CCDC178: variants seen among roughly 807,000 people sequenced by gnomAD.
The protein encoded by CCDC178 is coiled-coil domain-containing protein 178.
CCDC178 carries 126 observed loss-of-function variants against 117.4 expected under a neutral mutation model. The observed-to-expected ratio is 1.07, with a 90% confidence interval of 0.93 to 1.24. CCDC178 has a LOEUF of 1.24. Among genes scored for constraint, CCDC178 ranks in the 50% most tolerant of loss-of-function variants. The pLI is 0.00. For synonymous variants in CCDC178, 283 were observed against 313.4 expected (o/e 0.90, Z 1.02); for missense variants, 1,030 against 986.9 (o/e 1.04, Z -0.59).
At chr18:33,069,436 C>T (rs540415093) in intron 21 of CCDC178, among the ~76,000 whole-genome samples, 2 of 152,168 alleles carry the variant, frequency 1.3e-5, no homozygotes, top group South Asian at 2.1e-4. Flanking sequence ...AAAGGATACC[C>T]TCTTCAATAA....
At chr18:33,247,177 A>C (rs1431992553) in intron 14 of CCDC178, among the ~76,000 whole-genome samples, 1 of 151,748 alleles carries the variant, frequency 6.6e-6, no homozygotes, top group African/African-American at 2.4e-5. Context: ...GGCCTCAAAA[A>C]GGACACCAAA....
intron 12 of CCDC178, among the ~76,000 whole-genome samples, chr18:33,276,342 G>A (rs190563160): frequency 1.8e-4 from 28 of 152,192 alleles, no homozygotes; most frequent in East Asian, 3.9e-4. Context: ...TTCCACATCT[G>A]AAGTACAATT....
intron 20 of CCDC178, among the ~76,000 whole-genome samples, chr18:33,186,953 A>C (rs556268087): frequency 5.1e-4 from 78 of 152,174 alleles, no homozygotes; most frequent in African/African-American, 1.8e-3. Flanking sequence ...TCACACTGCT[A>C]TAAAGAACTG....
intron 12 of CCDC178, among the ~76,000 whole-genome samples, chr18:33,271,148 A>T (rs2059884492): frequency 2.0e-5 from 3 of 151,588 alleles, no homozygotes; most frequent in African/African-American, 7.3e-5. Flanking sequence ...AAAGTGTTAC[A>T]CAAAAGAAGG....
intron 22 of CCDC178, among the ~76,000 whole-genome samples, chr18:32,945,976 A>C (rs899483722): frequency 6.6e-6 from 1 of 152,112 alleles, no homozygotes; most frequent in Non-Finnish European, 1.5e-5. Context: ...TTATGTTAAA[A>C]GCTTTAGGAT....
At chr18:33,305,513 C>T (rs1436599031) in intron 11 of CCDC178, among the ~76,000 whole-genome samples, 1 of 152,026 alleles carries the variant, frequency 6.6e-6, no homozygotes, top group African/African-American at 2.4e-5. Context: ...TAGAGACTCC[C>T]TTAAGAGTCT....
chr18:33,119,097 C>T (rs750092107), intron 20 of CCDC178, among the ~76,000 whole-genome samples: 1 of 152,048 alleles, frequency 6.6e-6, no homozygotes, highest in South Asian at 2.1e-4. Flanking sequence ...AGAAGAAAAC[C>T]TAGGCAACAT....
At chr18:33,321,517 A>C (rs1159554321) in intron 11 of CCDC178, among the ~76,000 whole-genome samples, 1 of 152,268 alleles carries the variant, frequency 6.6e-6, no homozygotes, top group African/African-American at 2.4e-5. Flanking sequence ...ATTCAGCAAC[A>C]GTGACAAATA....
chr18:33,088,317 C>T (rs2057412987), intron 21 of CCDC178, among the ~76,000 whole-genome samples: 1 of 149,578 alleles, frequency 6.7e-6, no homozygotes, highest in Non-Finnish European at 1.5e-5. Flanking sequence ...GATTGATATT[C>T]ACAAAATATG....
At chr18:33,195,450 A>G (rs1464665775) in intron 20 of CCDC178, among the ~76,000 whole-genome samples, 1 of 152,122 alleles carries the variant, frequency 6.6e-6, no homozygotes, top group East Asian at 1.9e-4. Flanking sequence ...GCACCTGTCC[A>G]TTAGGCCTCA....
chr18:32,956,191 G>A (rs193184375), intron 22 of CCDC178, among the ~76,000 whole-genome samples: 3 of 152,086 alleles, frequency 2.0e-5, no homozygotes, highest in African/African-American at 7.2e-5. Context: ...GAATTCAATG[G>A]CTAAGATCCT....
chr18:33,293,822 T>C (rs1319731120), intron 11 of CCDC178, among the ~76,000 whole-genome samples: 1 of 152,194 alleles, frequency 6.6e-6, no homozygotes, highest in African/African-American at 2.4e-5. Flanking sequence ...TCATCAATAG[T>C]ATTGTTTCCA....
chr18:33,193,389 G>C (rs2058886978), intron 20 of CCDC178, among the ~76,000 whole-genome samples: 1 of 150,776 alleles, frequency 6.6e-6, no homozygotes, highest in Non-Finnish European at 1.5e-5. Context: ...TCCAATTAAT[G>C]ACTTTGTTAA....
At chr18:33,260,970 T>C (rs1333416425) in intron 14 of CCDC178, among the ~76,000 whole-genome samples, 3 of 152,220 alleles carry the variant, frequency 2.0e-5, no homozygotes, top group Non-Finnish European at 4.4e-5. Flanking sequence ...GCTCTATTGT[T>C]AATTTTGAAA....
chr18:33,415,525 G>A (rs1264648222), intron 2 of CCDC178, among the ~76,000 whole-genome samples: 1 of 151,162 alleles, frequency 6.6e-6, no homozygotes, highest in Non-Finnish European at 1.5e-5. Context: ...CACAGGAAGG[G>A]GGACATCACA....
rs74774732 is a variant in CCDC178 at position 33,083,886 on chromosome 18, C to T, written c.2388+8875G>A. Reference sequence around the variant, plus strand: ...ACTCTTCTCATTTCAAGATCAGATACCTATTCAACTACATTGTGTGTTTAT... The same window carrying T: ...ACTCTTCTCATTTCAAGATCAGATATCTATTCAACTACATTGTGTGTTTAT... On this transcript the variant is annotated intron_variant, in intron 21 of 22. Coordinates refer to ENST00000383096, the MANE Select transcript of CCDC178 (RefSeq NM_001105528.4). Among the ~76,000 whole-genome samples, 121 of 152,262 alleles carry T rather than the reference C, an allele frequency of 7.9e-4. 2 individuals carry two copies. In the East Asian group the frequency reaches 0.023, roughly 28 times the overall value.
chr18:33,370,075 GACTCC>G lies in CCDC178; in HGVS notation c.318_322del (p.Glu107GlnfsTer10). Reference sequence around the variant, plus strand: ...CCTTTTCAAATGCTCCTGTATTTTGGACTCCACATCTTGGATGTGTGAAATCATTT... The same window carrying G: ...CCTTTTCAAATGCTCCTGTATTTTGGACATCTTGGATGTGTGAAATCATTT... On this transcript the variant is annotated frameshift_variant, in exon 6 of 23. Transcript: ENST00000383096. LOFTEE classifies it high-confidence loss of function. 6.3e-7 allele frequency: 1 copy of G among 1,593,680 alleles called. No homozygotes were observed. Among genetic ancestry groups the G allele is most frequent in the Non-Finnish European group, 8.5e-7 (1 of 1,171,626 alleles).
intron 9 of CCDC178, among the ~76,000 whole-genome samples, chr18:33,341,968 T>G (rs2062823084): frequency 6.6e-6 from 1 of 152,102 alleles, no homozygotes. Flanking sequence ...AAATAATGAC[T>G]TCAAGGAAAT....
Position 33,245,331 on chromosome 18 carries a change from A to C in CCDC178, c.1507T>G (p.Tyr503Asp), listed in dbSNP as rs1467252068. 6.2e-7 allele frequency: 1 copy of C among 1,609,654 alleles called. No homozygotes were observed. The highest frequency in any genetic ancestry group is 1.7e-5 in the Admixed American group (1 of 59,438). ...AGGTGGAAAAGAGTACCAATGCGAT[A>C]AGCCTCCTTATAGATGTTCTTGAGA... ...KHLKNIYKEA[Y>D]RIGTLFHLTK... Residue 503 changes from tyrosine (Y) to aspartate (D), a missense_variant, in exon 15 of 23, where the codon TAT (tyrosine) becomes GAT (aspartate). Transcript: ENST00000383096.
Sources: gnomAD v4.1 joint callset for allele counts (sites outside exome capture counted in the v4.1 genomes callset) on GRCh38, gnomAD v4.1.1 for gene constraint, MANE v1.5 for transcripts, NCBI Gene and HGNC (gene_info 2026-07-23, HGNC 2026-07-21) for gene names.